XRN2: variants seen among roughly 807,000 people sequenced by gnomAD.
XRN2 encodes the protein 5'-3' exoribonuclease 2.
In XRN2, 44 loss-of-function variants were observed where a neutral mutation model predicts 138.5. That is an observed-to-expected ratio of 0.32 (90% CI 0.25 to 0.41). The LOEUF is 0.41. Among genes scored for constraint, XRN2 ranks in the 10% least tolerant of loss-of-function variants. The pLI, the probability that XRN2 is intolerant of heterozygous loss-of-function variation, is 1.00. For synonymous variants in XRN2, 354 were observed against 369.4 expected, an observed-to-expected ratio of 0.96 and a Z score of 0.48; for missense variants, 937 against 1,169.3, an observed-to-expected ratio of 0.80 and a Z score of 2.90.
At chr20:21,388,671 A>G (rs1405211791) in intron 29 of XRN2, among the ~76,000 whole-genome samples, 1 of 152,208 alleles carries the variant, frequency 6.6e-6, no homozygotes, top group Non-Finnish European at 1.5e-5. Flanking sequence ...AAGGACTTAT[A>G]ATGAAGAGGT....
intron 27 of XRN2, among the ~76,000 whole-genome samples, chr20:21,371,392 A>G (rs1387698884): frequency 6.6e-6 from 1 of 152,210 alleles, no homozygotes; most frequent in African/African-American, 2.4e-5. Flanking sequence ...GTGAGGCTCT[A>G]TCATGCAAAC....
intron 24 of XRN2, among the ~76,000 whole-genome samples, chr20:21,359,347 C>G (rs916799879): frequency 1.3e-5 from 2 of 152,000 alleles, no homozygotes; most frequent in African/African-American, 4.8e-5. Flanking sequence ...CTAGCCTGGC[C>G]AACATGGTGA....
At chr20:21,371,138 G>A (rs144268351) in intron 27 of XRN2, among the ~76,000 whole-genome samples, 4 of 152,272 alleles carry the variant, frequency 2.6e-5, no homozygotes, top group African/African-American at 7.2e-5. Flanking sequence ...ATGAAAGAAC[G>A]TGCCAGGTTA....
At chr20:21,372,516 C>A (rs1459149726) in intron 27 of XRN2, among the ~76,000 whole-genome samples, 2 of 152,022 alleles carry the variant, frequency 1.3e-5, no homozygotes, top group South Asian at 4.2e-4. Flanking sequence ...AACTACAGTA[C>A]ATGTTAATTG....
At chr20:21,353,024 C>T (rs2038528579) in intron 20 of XRN2, among the ~76,000 whole-genome samples, 1 of 151,588 alleles carries the variant, frequency 6.6e-6, no homozygotes, top group Non-Finnish European at 1.5e-5. Flanking sequence ...TAATTTATTG[C>T]TTAGTGATTT....
chr20:21,381,851 GGT>G, intron 27 of XRN2, 141 bp from the exon 28 acceptor site: 1 of 565,704 alleles, frequency 1.8e-6, no homozygotes, highest in Non-Finnish European at 2.9e-6. Context: ...TTACATTTGT[GGT>G]GTGTGTTATT....
At position 21,306,282 on chromosome 20, in the gene XRN2, G is replaced by A. The variant is rs974948470; in HGVS notation, c.75+2809G>A. Among the ~76,000 whole-genome samples the A allele has an allele frequency of 5.6e-5, 4 of 71,172 alleles. 2 individuals are homozygous for A. Among genetic ancestry groups the A allele is most frequent in the Non-Finnish European group, 1.3e-4 (4 of 30,614 alleles). 46.7% of individuals were successfully genotyped at this position (71,172 alleles called of 152,430 possible). A position where few individuals can be genotyped will look rare whatever the true frequency, so the allele number is the denominator to read the frequency against. ...CTCCCGAGTAGCTGGGACTACAGGC[G>A]CGCCACCACGCCCGGCTAATTTTTG... On this transcript the variant is annotated intron_variant, in intron 1 of 29. Coordinates refer to ENST00000377191, the MANE Select transcript of XRN2 (RefSeq NM_012255.5).
chr20:21,382,331 G>A (rs543294622), intron 28 of XRN2, among the ~76,000 whole-genome samples: 19 of 152,268 alleles, frequency 1.2e-4, no homozygotes, highest in African/African-American at 4.6e-4. Flanking sequence ...GCTTAAAACT[G>A]TATTAGGTTT....
intron 1 of XRN2, among the ~76,000 whole-genome samples, chr20:21,315,232 A>G (rs377654695): frequency 6.6e-6 from 1 of 152,332 alleles, no homozygotes; most frequent in Admixed American, 6.5e-5. Flanking sequence ...TTGCATTACC[A>G]TCACATTCTA....
intron 24 of XRN2, among the ~76,000 whole-genome samples, chr20:21,364,829 G>C (rs893341654): frequency 3.3e-5 from 5 of 149,386 alleles, no homozygotes; most frequent in African/African-American, 1.2e-4. Context: ...AAGCATATTT[G>C]TGTAGTTTTC....
intron 24 of XRN2, among the ~76,000 whole-genome samples, chr20:21,362,091 T>G (rs1280052554): frequency 3.3e-5 from 5 of 152,174 alleles, no homozygotes; most frequent in Admixed American, 3.3e-4. Flanking sequence ...GTATTAAGTG[T>G]GTAGATCCTT....
chr20:21,322,258 A>G (rs2038056486), intron 1 of XRN2, among the ~76,000 whole-genome samples: 3 of 152,214 alleles, frequency 2.0e-5, no homozygotes. Context: ...TATAAAAATG[A>G]AGATCTAACA....
At chr20:21,345,928 CT>C (rs1303908388) in intron 16 of XRN2, among the ~76,000 whole-genome samples, 1 of 109,618 alleles carries the variant, frequency 9.1e-6, no homozygotes, top group Non-Finnish European at 2.0e-5. Context: ...CTAGATTATT[CT>C]TTTATAAACT....
At chr20:21,339,577 A>G (rs2038344650) in intron 14 of XRN2, among the ~76,000 whole-genome samples, 1 of 152,168 alleles carries the variant, frequency 6.6e-6, no homozygotes. Flanking sequence ...CGTCCAGCAC[A>G]TCCCCTGTTG....
In XRN2 at chr20:21,333,503, C is replaced by T. The variant is rs116357635; in HGVS notation, c.859-41C>T. On this transcript the variant is annotated intron_variant, in intron 9 of 29. Transcript: ENST00000377191. ...TGCTTGGTTGGAAAAAATTACTGGACGTAGAGTAGACTTGTTTCATCTTCA... is the reference window on the plus strand; with the variant it reads ...TGCTTGGTTGGAAAAAATTACTGGATGTAGAGTAGACTTGTTTCATCTTCA... The T allele has an allele frequency of 8.6e-4, 1,370 of 1,596,466 alleles. 14 individuals carry two copies. The African/African-American group carries it at 0.016, about 19-fold the overall frequency.
At chr20:21,374,394 T>A (rs2122335927) in intron 27 of XRN2, among the ~76,000 whole-genome samples, 1 of 152,280 alleles carries the variant, frequency 6.6e-6, no homozygotes, top group South Asian at 2.1e-4. Context: ...TCATTCCCAA[T>A]CAGTTTTAAG....
At chr20:21,318,231 T>C (rs2037986900) in intron 1 of XRN2, among the ~76,000 whole-genome samples, 1 of 152,202 alleles carries the variant, frequency 6.6e-6, no homozygotes, top group Non-Finnish European at 1.5e-5. Flanking sequence ...TATTTCTTTA[T>C]AATCCTTTTT....
rs767433294 is a variant in XRN2 at position 21,368,624 on chromosome 20, A to G, written c.2584+34A>G. On this transcript the variant is annotated intron_variant, in intron 27 of 29. Transcript: ENST00000377191. Reference sequence around the variant, plus strand: ...TTACAAATCGGTTATTTTACATTATAAATTAAATATCACAGCAAATGTTGG... The same window carrying G: ...TTACAAATCGGTTATTTTACATTATGAATTAAATATCACAGCAAATGTTGG... 3 of 1,607,886 alleles carry G rather than the reference A, an allele frequency of 1.9e-6. No individual in the cohort carries two copies. The African/African-American group carries it at 4.0e-5, about 22-fold the overall frequency.
Position 21,344,201 on chromosome 20 carries a change from A to C in XRN2, c.1522A>C (p.Asn508His). 1 of 1,612,252 alleles carries C rather than the reference A, an allele frequency of 6.2e-7. No individual in the cohort carries two copies. Among genetic ancestry groups the C allele is most frequent in the East Asian group, 2.2e-5 (1 of 44,852 alleles). The change falls in exon 16 of 30, where the codon AAT (asparagine) becomes CAT (histidine). Residue 508 changes from asparagine (N) to histidine (H), a missense_variant. By Grantham distance (68) the Asn-to-His change is moderately conservative (BLOSUM62 1). Coordinates refer to ENST00000377191, the MANE Select transcript of XRN2 (RefSeq NM_012255.5). ...DSDSEPEPEDNVRLWEAGWKQ... is the reference protein window; with the variant it reads ...DSDSEPEPEDHVRLWEAGWKQ... Reference sequence around the variant, plus strand: ...TGACAGTGAACCTGAGCCAGAGGATAATGTCAGGTGAAGCCATTTTTTGGT... The same window carrying C: ...TGACAGTGAACCTGAGCCAGAGGATCATGTCAGGTGAAGCCATTTTTTGGT...
Sources: gnomAD v4.1 joint callset for allele counts (sites outside exome capture counted in the v4.1 genomes callset) on GRCh38, gnomAD v4.1.1 for gene constraint, MANE v1.5 for transcripts, NCBI Gene and HGNC (gene_info 2026-07-23, HGNC 2026-07-21) for gene names.